LATS2: variants seen among roughly 807,000 people sequenced by gnomAD.
LATS2 encodes serine/threonine-protein kinase LATS2.
In LATS2, 24 loss-of-function variants were observed where a neutral mutation model predicts 76.0. The observed-to-expected ratio is 0.32, with a 90% CI of 0.23 to 0.44. The LOEUF is 0.44. Among genes scored for constraint, LATS2 ranks in the 20% least tolerant of loss-of-function variants. The pLI, the probability that LATS2 is intolerant of heterozygous loss-of-function variation, is 1.00. For synonymous variants in LATS2, 692 were observed against 635.4 expected, an observed-to-expected ratio of 1.09 and a Z score of -1.34; for missense variants, 1,286 against 1,481.2, an observed-to-expected ratio of 0.87 and a Z score of 2.16.
At position 20,988,373 on chromosome 13, in the gene LATS2, A is replaced by T. The variant is rs543599839; in HGVS notation, c.1407T>A (p.Pro469=). 5.6e-4 allele frequency: 581 copies of T among 1,030,248 alleles called. No individual in the cohort carries two copies. The African/African-American group carries it at 7.7e-3, about 14-fold the overall frequency. The allele number at this position is 1,030,248 out of a possible 1,614,324, so 63.8% of individuals were successfully genotyped here. A position where few individuals can be genotyped will look rare whatever the true frequency, so the allele number is the denominator to read the frequency against. ...GPSHPAWVPA[P]APAPAPAPAP... ...CGGGGGCGGGGGCGGGGGCCGGGGC[A>T]GGCGCGGGCACCCAGGCGGGGTGCG... Residue 469 remains proline (P), a synonymous_variant, in exon 4 of 8, where the codon CCT becomes CCA. Transcript: ENST00000382592.
chr13:21,044,274 A>C (rs1272633356), intron 2 of LATS2, among the ~76,000 whole-genome samples: 2 of 152,250 alleles, frequency 1.3e-5, no homozygotes, highest in African/African-American at 4.8e-5. Flanking sequence ...CTATGGTAAT[A>C]AACTACAAGA....
intron 2 of LATS2, among the ~76,000 whole-genome samples, chr13:21,037,097 T>C (rs1479057670): frequency 5.9e-5 from 9 of 152,194 alleles, no homozygotes; most frequent in Admixed American, 1.3e-4. Context: ...TGGAATACAA[T>C]GCAAATGTTA....
chr13:20,987,248 T>C (rs1285780097), intron 4 of LATS2, among the ~76,000 whole-genome samples: 1 of 151,918 alleles, frequency 6.6e-6, no homozygotes, highest in East Asian at 1.9e-4. Context: ...ATGAAAAGTA[T>C]ATCTGTAAAA....
chr13:20,998,666 C>T (rs1252280054), intron 2 of LATS2, among the ~76,000 whole-genome samples: 1 of 152,244 alleles, frequency 6.6e-6, no homozygotes, highest in Non-Finnish European at 1.5e-5. Flanking sequence ...AACCGCCCCA[C>T]CATTGCGTGC....
chr13:20,993,228 C>T (rs895245084), intron 2 of LATS2, among the ~76,000 whole-genome samples: 2 of 152,118 alleles, frequency 1.3e-5, no homozygotes, highest in Admixed American at 6.5e-5. Flanking sequence ...TGATCTGAAT[C>T]GCACTCAGCT....
In LATS2 at chr13:20,988,585, C is replaced by G; in HGVS notation, c.1195G>C (p.Asp399His). ...PPRAHVAFRP[D>H]CPVPSRTNSF... ...TTGGTCCTGCTGGGCACTGGGCAGT[C>G]AGGCCGGAAGGCCACGTGCGCGCGC... Residue 399 changes from aspartate to histidine, a missense_variant, in exon 4 of 8, where the codon GAC becomes CAC. Physicochemically the swap from Asp to His is moderately conservative, Grantham distance 81. Transcript: ENST00000382592. 3 of 1,588,862 alleles carry G rather than the reference C, an allele frequency of 1.9e-6. No homozygotes were observed. The highest frequency in any genetic ancestry group is 2.6e-6 in the Non-Finnish European group (3 of 1,175,524).
chr13:20,987,817 T>G (rs1055553231), intron 4 of LATS2, 64 bp downstream of exon 4: 2 of 1,549,288 alleles, frequency 1.3e-6, no homozygotes, highest in Non-Finnish European at 1.8e-6. Context: ...GGATTGTGCG[T>G]GCTTCCTATT....
intron 1 of LATS2, among the ~76,000 whole-genome samples, chr13:21,054,649 A>G (rs1873391778): frequency 6.6e-6 from 1 of 152,174 alleles, no homozygotes; most frequent in African/African-American, 2.4e-5. Flanking sequence ...CAAATAGTAA[A>G]ATCAACCAGG....
chr13:21,034,263 GACACATGGCT>G (rs1198007101), intron 2 of LATS2, among the ~76,000 whole-genome samples: 5 of 152,208 alleles, frequency 3.3e-5, no homozygotes, highest in African/African-American at 9.7e-5. Flanking sequence ...CAGCCAAGGT[GACACATGGCT>G]ACACTATGGC....
chr13:21,027,245 G>A (rs944742886), intron 2 of LATS2, among the ~76,000 whole-genome samples: 13 of 152,016 alleles, frequency 8.6e-5, no homozygotes, highest in African/African-American at 2.9e-4. Context: ...TTCCTTTTAC[G>A]TCCCATGAAT....
At position 21,061,373 on chromosome 13, in the gene LATS2, G is replaced by C. The variant is rs1873642708; in HGVS notation, c.-232C>G. ...CCAGGGGCGCGGTCTACACCCTCGG[G>C]GGCGTCCTGGCCGGCGGCTCCCGGG... On this transcript the variant is annotated 5_prime_UTR_variant, in exon 1 of 8. Transcript: ENST00000382592. 1 of 152,402 alleles carries C rather than the reference G, an allele frequency of 6.6e-6. No homozygotes were observed. The allele number at this position is 152,402 out of a possible 1,614,324, so 9.4% of individuals were successfully genotyped here. A position where few individuals can be genotyped will look rare whatever the true frequency, so the allele number is the denominator to read the frequency against.
chr13:20,985,914 C>T (rs1176273761), intron 4 of LATS2, among the ~76,000 whole-genome samples: 1 of 151,932 alleles, frequency 6.6e-6, no homozygotes, highest in Admixed American at 6.6e-5. Flanking sequence ...CGTGGTGGTG[C>T]ATGCCTGTAA....
chr13:20,983,572 G>A lies in LATS2; in HGVS notation c.2134C>T (p.His712Tyr). The A allele has an allele frequency of 6.2e-7, 1 of 1,614,042 alleles. No homozygotes were observed. Among genetic ancestry groups the A allele is most frequent in the Non-Finnish European group, 8.5e-7 (1 of 1,179,998 alleles). Residue 712 changes from histidine to tyrosine, a missense_variant, in exon 5 of 8, where the codon CAC becomes TAC. Physicochemically the swap from His to Tyr is moderately conservative, Grantham distance 83. Coordinates refer to ENST00000382592, the MANE Select transcript of LATS2 (RefSeq NM_014572.3). Reference protein sequence around the residue: ...KDVLNRNQVAHVKAERDILAE... With the variant: ...KDVLNRNQVAYVKAERDILAE... ...AGGATGTCCCTCTCGGCCTTGACGT[G>A]GGCCACCTGATTCCGGTTCAGGACA... is the stretch of plus-strand genomic sequence containing the variant.
At chr13:21,038,366 C>CT (rs141767697) in intron 2 of LATS2, among the ~76,000 whole-genome samples, 17 of 148,964 alleles carry the variant, frequency 1.1e-4, no homozygotes, top group East Asian at 7.9e-4. Context: ...ATAATTCCAT[C>CT]TTTTTTTTTT....
chr13:20,981,698 G>A (rs901559211), intron 5 of LATS2, 50 bp from the exon 6 acceptor site: 3 of 1,464,550 alleles, frequency 2.0e-6, no homozygotes, highest in Admixed American at 2.1e-5. Context: ...AATATAAAGT[G>A]AATTTTCACT....
intron 2 of LATS2, among the ~76,000 whole-genome samples, chr13:21,024,826 A>G (rs1872243056): frequency 6.6e-6 from 1 of 152,114 alleles, no homozygotes; most frequent in African/African-American, 2.4e-5. Context: ...TGTCTTCCAA[A>G]TCGGGTGTGT....
In LATS2 at chr13:20,989,122, C is replaced by T. The variant is rs763358548; in HGVS notation, c.658G>A (p.Gly220Ser). ...PYVDYLFPGV[G>S]PHGPGHQHQH... ...TGCTGGTGGCCGGGCCCGTGGGGGC[C>T]GACTCCGGGGAAAAGGTAGTCCACG... is the stretch of plus-strand genomic sequence containing the variant. The change falls in exon 4 of 8, where the codon GGC becomes AGC. Residue 220 changes from glycine (G) to serine (S), a missense_variant. Physicochemically the swap from Gly to Ser is moderately conservative, Grantham distance 56. Transcript: ENST00000382592. 1.9e-6 allele frequency: 3 copies of T among 1,607,270 alleles called. No homozygotes were observed. The highest frequency in any genetic ancestry group is 1.7e-5 in the Admixed American group (1 of 59,640).
At chr13:21,006,979 T>C (rs1178547863) in intron 2 of LATS2, among the ~76,000 whole-genome samples, 4 of 152,142 alleles carry the variant, frequency 2.6e-5, no homozygotes, top group Non-Finnish European at 4.4e-5. Flanking sequence ...ATCTGGCAAA[T>C]TATAGGTTCA....
chr13:21,029,589 G>A (rs1209612859), intron 2 of LATS2, among the ~76,000 whole-genome samples: 5 of 152,116 alleles, frequency 3.3e-5, no homozygotes, highest in African/African-American at 9.7e-5. Context: ...TCAGGAGTTC[G>A]AGACCAGCCT....
Sources: gnomAD v4.1 joint callset for allele counts (sites outside exome capture counted in the v4.1 genomes callset) on GRCh38, gnomAD v4.1.1 for gene constraint, MANE v1.5 for transcripts, NCBI Gene and HGNC (gene_info 2026-07-23, HGNC 2026-07-21) for gene names.